Variants in ZNF804B observed in about 807,000 individuals in gnomAD.
The protein encoded by ZNF804B is zinc finger 804B.
A neutral mutation model predicts 101.4 loss-of-function variants in ZNF804B; 80 were observed. The observed-to-expected ratio is 0.79, with a 90% confidence interval of 0.66 to 0.95. The LOEUF is 0.95. ZNF804B is among the 40% of genes least tolerant of loss of function. The pLI is 0.00. For synonymous variants in ZNF804B, 622 were observed against 558.8 expected (o/e 1.11, Z -1.59); for missense variants, 1,673 against 1,561.9 (o/e 1.07, Z -1.20).
intron 1 of ZNF804B, among the ~76,000 whole-genome samples, chr7:88,996,536 C>G (rs1053278098): frequency 6.6e-6 from 1 of 152,100 alleles, no homozygotes; most frequent in Admixed American, 6.6e-5. Context: ...TTTGTCTTTA[C>G]CATGTGTACT....
intron 1 of ZNF804B, among the ~76,000 whole-genome samples, chr7:88,836,848 G>A (rs560783392): frequency 6.6e-6 from 1 of 151,968 alleles, no homozygotes; most frequent in South Asian, 2.1e-4. Flanking sequence ...GCCGATGTAG[G>A]AATCACTTCA....
At chr7:88,854,414 CCTTT>C (rs71120039) in intron 1 of ZNF804B, among the ~76,000 whole-genome samples, 1,683 of 56,858 alleles carry the variant, frequency 0.03, 86 homozygotes, top group Middle Eastern at 0.053. Flanking sequence ...TTTCTTTCTT[CCTTT>C]CTTTCTTTCT....
At chr7:88,771,345 AT>A (rs1790058090) in intron 1 of ZNF804B, among the ~76,000 whole-genome samples, 1 of 152,210 alleles carries the variant, frequency 6.6e-6, no homozygotes, top group South Asian at 2.1e-4. Flanking sequence ...CTTATTTTTA[AT>A]TTTTGTATTA....
chr7:89,192,545 A>C (rs1447874721), intron 1 of ZNF804B, among the ~76,000 whole-genome samples: 1 of 152,080 alleles, frequency 6.6e-6, no homozygotes, highest in Non-Finnish European at 1.5e-5. Flanking sequence ...AAAGTAACCT[A>C]TAGCGACTTA....
At chr7:89,165,685 C>T (rs376012231) in intron 1 of ZNF804B, among the ~76,000 whole-genome samples, 12 of 151,956 alleles carry the variant, frequency 7.9e-5, no homozygotes, top group South Asian at 4.2e-4. Flanking sequence ...GCACTTCAAA[C>T]GGAAGATTTG....
intron 1 of ZNF804B, among the ~76,000 whole-genome samples, chr7:88,934,648 A>T (rs1317795994): frequency 1.3e-5 from 2 of 152,020 alleles, no homozygotes; most frequent in Non-Finnish European, 2.9e-5. Context: ...CATGCTAAAC[A>T]TTACCAATTA....
intron 2 of ZNF804B, among the ~76,000 whole-genome samples, chr7:89,279,719 G>A (rs1035073171): frequency 7.2e-5 from 11 of 151,956 alleles, no homozygotes; most frequent in East Asian, 1.9e-4. Context: ...ATCATGGTGG[G>A]TAAGCTTTTT....
chr7:89,070,366 G>A (rs888426351), intron 1 of ZNF804B, among the ~76,000 whole-genome samples: 2 of 152,140 alleles, frequency 1.3e-5, no homozygotes, highest in African/African-American at 2.4e-5. Flanking sequence ...GAGCTGGGGT[G>A]TGACACGGGG....
intron 2 of ZNF804B, among the ~76,000 whole-genome samples, chr7:89,285,017 A>G (rs1790160190): frequency 6.6e-6 from 1 of 151,920 alleles, no homozygotes. Context: ...TGAGTAATGT[A>G]GTGAGACCCT....
intron 1 of ZNF804B, among the ~76,000 whole-genome samples, chr7:89,038,931 G>A (rs1013279152): frequency 5.9e-5 from 9 of 151,972 alleles, no homozygotes; most frequent in African/African-American, 1.2e-4. Flanking sequence ...TCTCCACCAT[G>A]TATTTGTGGC....
intron 1 of ZNF804B, among the ~76,000 whole-genome samples, chr7:88,897,884 G>C (rs919206468): frequency 2.0e-5 from 3 of 148,332 alleles, no homozygotes; most frequent in Non-Finnish European, 4.5e-5. Flanking sequence ...TTTTTTTTGC[G>C]TCAGATTCAT....
intron 2 of ZNF804B, among the ~76,000 whole-genome samples, chr7:89,293,580 C>T (rs1306956541): frequency 7.2e-5 from 11 of 151,922 alleles, no homozygotes. Flanking sequence ...GTCAGGAGAT[C>T]GAGACCATCC....
intron 1 of ZNF804B, among the ~76,000 whole-genome samples, chr7:89,027,982 C>T (rs1160970450): frequency 6.6e-6 from 1 of 152,134 alleles, no homozygotes; most frequent in African/African-American, 2.4e-5. Flanking sequence ...AATCCTTCAA[C>T]GTTTTACCAC....
chr7:89,115,315 C>A (rs986804611), intron 1 of ZNF804B, among the ~76,000 whole-genome samples: 1 of 152,196 alleles, frequency 6.6e-6, no homozygotes, highest in African/African-American at 2.4e-5. Context: ...GAGAGCTTTA[C>A]TCTTAACAGG....
intron 1 of ZNF804B, among the ~76,000 whole-genome samples, chr7:89,138,897 G>A (rs1790676175): frequency 6.6e-6 from 1 of 152,068 alleles, no homozygotes; most frequent in African/African-American, 2.4e-5. Flanking sequence ...CCAGCCACAT[G>A]GAACTATAAG....
intron 2 of ZNF804B, among the ~76,000 whole-genome samples, chr7:89,300,939 T>C (rs1368419947): frequency 6.6e-6 from 1 of 151,552 alleles, no homozygotes; most frequent in Non-Finnish European, 1.5e-5. Context: ...AGGAAGAAAA[T>C]AATGATGGCT....
chr7:89,274,391 A>C, intron 2 of ZNF804B, among the ~76,000 whole-genome samples: 1 of 124,798 alleles, frequency 8.0e-6, no homozygotes, highest in African/African-American at 3.2e-5. Flanking sequence ...ATTCCCACCT[A>C]TGAGTGAGAA....
At chr7:88,815,806 C>T (rs566704324) in intron 1 of ZNF804B, among the ~76,000 whole-genome samples, 9 of 151,592 alleles carry the variant, frequency 5.9e-5, no homozygotes, top group Admixed American at 3.9e-4. Context: ...CTGCCTTCCT[C>T]TCCCACTGCA....
rs369637008 is a variant in ZNF804B, at chr7:89,284,294, A to G, written c.250-43050A>G. Among the ~76,000 whole-genome samples, 367 of 152,306 alleles carry G rather than the reference A, an allele frequency of 2.4e-3. 2 individuals carry two copies. Among genetic ancestry groups the G allele is most frequent in the African/African-American group, 8.5e-3 (354 of 41,560 alleles). On this transcript the variant is annotated intron_variant, in intron 2 of 3. Coordinates refer to ENST00000333190, the MANE Select transcript of ZNF804B (RefSeq NM_181646.5). ...GGGAAGTTCATCTCTCCAATTGCCTATTGCAGTAAAAAACGATATCTCTCA... is the reference window on the plus strand; with the variant it reads ...GGGAAGTTCATCTCTCCAATTGCCTGTTGCAGTAAAAAACGATATCTCTCA...
Sources: allele counts gnomAD v4.1 joint callset (sites outside exome capture counted in the v4.1 genomes callset), GRCh38; gene constraint gnomAD v4.1.1; transcripts MANE v1.5; gene names NCBI Gene and HGNC (gene_info 2026-07-23, HGNC 2026-07-21).